Variants in NPRL3 observed in about 807,000 individuals in gnomAD.
NPRL3 encodes the protein GATOR1 complex protein NPRL3.
NPRL3 carries 23 observed loss-of-function variants against 57.2 expected under a neutral mutation model. That is an observed-to-expected ratio of 0.40 (90% CI 0.29 to 0.57). The LOEUF (loss-of-function observed/expected upper bound fraction) is 0.57, where lower values mean the gene tolerates loss of function less well. Ranked by LOEUF, NPRL3 falls within the 20% of genes least tolerant of loss-of-function variation. The pLI is 0.42. For synonymous variants in NPRL3, 333 were observed against 321.1 expected, an observed-to-expected ratio of 1.04 and a Z score of -0.39; for missense variants, 691 against 767.1, an observed-to-expected ratio of 0.90 and a Z score of 1.17.
At chr16:94,932 A>C (rs1378084567) in intron 9 of NPRL3, among the ~76,000 whole-genome samples, 1 of 151,962 alleles carries the variant, frequency 6.6e-6, no homozygotes, top group African/African-American at 2.4e-5. Context: ...CAAAATCAGT[A>C]CTTAAGGGCA....
At chr16:94,790 T>A (rs1334169102) in intron 9 of NPRL3, among the ~76,000 whole-genome samples, 1 of 152,128 alleles carries the variant, frequency 6.6e-6, no homozygotes, top group East Asian at 1.9e-4. Flanking sequence ...TCACCCCACG[T>A]GCCACTCGCA....
At chr16:90,784 G>A (rs1010056478) in intron 11 of NPRL3, 1 of 152,254 alleles carries the variant, frequency 6.6e-6, no homozygotes, top group Non-Finnish European at 1.5e-5. Flanking sequence ...AGGCAAGTAA[G>A]AAGACTTGGT....
chr16:103,064 G>A (rs1258880846), intron 7 of NPRL3, among the ~76,000 whole-genome samples: 2 of 152,038 alleles, frequency 1.3e-5, no homozygotes, highest in African/African-American at 4.8e-5. Context: ...GGGAAGAAAG[G>A]GCAAGCGAGA....
chr16:93,757 G>C (rs1377834751), intron 9 of NPRL3, among the ~76,000 whole-genome samples: 1 of 152,100 alleles, frequency 6.6e-6, no homozygotes, highest in Non-Finnish European at 1.5e-5. Context: ...GTAGAGACAG[G>C]GTTTCACCAT....
chr16:134,292 A>G (rs1567150051), intron 2 of NPRL3, among the ~76,000 whole-genome samples: 1 of 152,212 alleles, frequency 6.6e-6, no homozygotes, highest in East Asian at 1.9e-4. Flanking sequence ...GCATAGGCAA[A>G]ATAAAAAAAA....
rs774470610 is a variant in NPRL3 at position 99,319 on chromosome 16, A to G, written c.768-1018T>C. On this transcript the variant is annotated intron_variant, in intron 8 of 13. Transcript: ENST00000611875. ...GGGGGACTTGGGAACAGGTGGTGCC[A>G]GAAGACTGGGCTCAGTTCTTTCCTT... Among the ~76,000 whole-genome samples, 3 of 152,340 alleles carry G rather than the reference A, an allele frequency of 2.0e-5. No homozygotes were observed. In the South Asian group the frequency reaches 6.2e-4, roughly 32 times the overall value.
rs116923451 is a variant in NPRL3 at position 86,631 on chromosome 16, G to A, written c.*74C>T. On this transcript the variant is annotated 3_prime_UTR_variant, in exon 14 of 14. Transcript: ENST00000611875. ...GGCCAAGAGGGCTCAGCCTCAGCAC[G>A]GGGGGAGCCCTGGGGTGGGGAGACG... 178 of 1,426,420 alleles carry A rather than the reference G, an allele frequency of 1.2e-4. No homozygotes were observed. The African/African-American group carries it at 1.7e-3, about 13-fold the overall frequency. The allele number at this position is 1,426,420 out of a possible 1,614,324, so 88.4% of individuals were successfully genotyped here.
intron 7 of NPRL3, among the ~76,000 whole-genome samples, chr16:109,352 G>C (rs887160545): frequency 6.6e-6 from 1 of 152,084 alleles, no homozygotes; most frequent in Non-Finnish European, 1.5e-5. Context: ...AAGGCTTGCT[G>C]CCCTCACACA....
At chr16:100,774 C>G (rs1198235785) in intron 7 of NPRL3, among the ~76,000 whole-genome samples, 2 of 24,936 alleles carry the variant, frequency 8.0e-5, no homozygotes, top group Admixed American at 9.6e-4. Context: ...TCGAGACCAG[C>G]CTGGCTAATA....
At chr16:117,510 C>T in intron 4 of NPRL3, 135 bp from the exon 5 acceptor site, 1 of 632,506 alleles carries the variant, frequency 1.6e-6, no homozygotes, top group South Asian at 2.1e-5. Flanking sequence ...AATGCCTTTG[C>T]TCTGGAGGCG....
chr16:106,006 CT>C (rs1192755427), intron 7 of NPRL3, among the ~76,000 whole-genome samples: 1 of 152,178 alleles, frequency 6.6e-6, no homozygotes. Context: ...ATAACCCTAG[CT>C]TTAATTAAAA....
rs954491969 is a variant in NPRL3, at chr16:92,897, T to G, written c.1032-172A>C. 9 of 749,022 alleles carry G rather than the reference T, an allele frequency of 1.2e-5. No individual in the cohort carries two copies. The African/African-American group carries it at 1.2e-4, about 10-fold the overall frequency. 46.4% of individuals were successfully genotyped at this position (749,022 alleles called of 1,614,324 possible). ...CTCCAGGTGGACAGAGCCTGGGCAC[T>G]TCCCCTTGAGCAGCAGCAGGAGCCA... On this transcript the variant is annotated intron_variant, in intron 10 of 13. Transcript: ENST00000611875.
At chr16:102,073 T>A (rs1466861660) in intron 7 of NPRL3, among the ~76,000 whole-genome samples, 1 of 152,202 alleles carries the variant, frequency 6.6e-6, no homozygotes, top group African/African-American at 2.4e-5. Context: ...CCTCCCTGCA[T>A]GCACTGTCTT....
intron 2 of NPRL3, among the ~76,000 whole-genome samples, chr16:131,781 T>A (rs1468665576): frequency 1.3e-5 from 2 of 152,168 alleles, no homozygotes; most frequent in African/African-American, 4.8e-5. Context: ...GCTACATCTA[T>A]CAATTTACTC....
intron 2 of NPRL3, among the ~76,000 whole-genome samples, chr16:137,736 A>G (rs1017821987): frequency 1.3e-5 from 2 of 149,712 alleles, no homozygotes; most frequent in African/African-American, 4.9e-5. Flanking sequence ...TTTTATTTTT[A>G]TTTTTTCAGT....
chr16:133,482 G>A (rs568625350), intron 2 of NPRL3, among the ~76,000 whole-genome samples: 20 of 151,980 alleles, frequency 1.3e-4, no homozygotes, highest in African/African-American at 3.6e-4. Flanking sequence ...CGCCCGCCTC[G>A]GCTTCCCAAA....
At chr16:130,496 C>T (rs375702678) in intron 3 of NPRL3, 26 bp downstream of exon 3, 133 of 1,545,686 alleles carry the variant, frequency 8.6e-5, no homozygotes, top group Non-Finnish European at 1.1e-4. Context: ...ACACGCCCCG[C>T]CCTGAAGTGG....
intron 3 of NPRL3, among the ~76,000 whole-genome samples, chr16:121,642 A>G (rs1900285232): frequency 6.6e-6 from 1 of 151,066 alleles, no homozygotes; most frequent in African/African-American, 2.4e-5. Flanking sequence ...AGTCACATTG[A>G]CTTAGTGGCT....
rs1898482482 is a variant in NPRL3 at position 86,650 on chromosome 16, G to A, written c.*55C>T. 1.3e-6 allele frequency: 2 copies of A among 1,494,122 alleles called. No individual in the cohort carries two copies. The highest frequency in any genetic ancestry group is 1.2e-5 in the South Asian group (1 of 80,772). The allele number at this position is 1,494,122 out of a possible 1,614,324, so 92.6% of individuals were successfully genotyped here. A position where few individuals can be genotyped will look rare whatever the true frequency, so the allele number is the denominator to read the frequency against. On this transcript the variant is annotated 3_prime_UTR_variant, in exon 14 of 14. Coordinates refer to ENST00000611875, the MANE Select transcript of NPRL3 (RefSeq NM_001077350.3). Reference sequence around the variant, plus strand: ...CAGCACGGGGGGAGCCCTGGGGTGGGGAGACGCGAGCGCCCACCTGCGCAC... The same window carrying A: ...CAGCACGGGGGGAGCCCTGGGGTGGAGAGACGCGAGCGCCCACCTGCGCAC...
Sources: gnomAD v4.1 joint callset for allele counts (sites outside exome capture counted in the v4.1 genomes callset) on GRCh38, gnomAD v4.1.1 for gene constraint, MANE v1.5 for transcripts, NCBI Gene and HGNC (gene_info 2026-07-23, HGNC 2026-07-21) for gene names.